The following OSBPL11 variants were observed in gnomAD, a reference collection of about 807,000 sequenced individuals.
OSBPL11 encodes the protein oxysterol-binding protein-related protein 11.
Under a neutral mutation model 84.4 loss-of-function variants are expected in OSBPL11, and 33 were observed. The observed-to-expected ratio is 0.39, with a 90% CI of 0.30 to 0.52. The LOEUF (loss-of-function observed/expected upper bound fraction) is 0.52, where lower values mean the gene tolerates loss of function less well. OSBPL11 is among the 20% of genes least tolerant of loss of function. The pLI is 0.72. For synonymous variants in OSBPL11, 276 were observed against 310.2 expected (o/e 0.89, Z 1.16); for missense variants, 736 against 901.1 (o/e 0.82, Z 2.35).
At chr3:125,588,654 C>T in intron 1 of OSBPL11, among the ~76,000 whole-genome samples, 1 of 152,204 alleles carries the variant, frequency 6.6e-6, no homozygotes, top group East Asian at 1.9e-4. Flanking sequence ...CACTTTGGTC[C>T]ATTCTCTGGA....
intron 1 of OSBPL11, among the ~76,000 whole-genome samples, chr3:125,590,832 T>C (rs1293419924): frequency 6.6e-6 from 1 of 152,180 alleles, no homozygotes; most frequent in Non-Finnish European, 1.5e-5. Flanking sequence ...ATTCATTCCT[T>C]TTAGAGAGTT....
intron 12 of OSBPL11, among the ~76,000 whole-genome samples, chr3:125,531,411 C>A (rs1935553865): frequency 1.3e-5 from 2 of 151,874 alleles, no homozygotes. Flanking sequence ...CCTGTCTCAG[C>A]CTCCCGAGTA....
At chr3:125,570,207 T>C (rs913475135) in intron 5 of OSBPL11, among the ~76,000 whole-genome samples, 3 of 151,710 alleles carry the variant, frequency 2.0e-5, no homozygotes, top group African/African-American at 7.3e-5. Context: ...GTAATGTTCT[T>C]AGCTAGAAAA....
In OSBPL11 at chr3:125,584,855, A is replaced by G. The variant is rs909327338; in HGVS notation, c.165-1877T>C. On this transcript the variant is annotated intron_variant, in intron 1 of 12. Transcript: ENST00000296220. ...CCATTTTGGTCATATCTAATTATCT[A>G]TATCACTCATTTAACAGCTCAAGTG... Among the ~76,000 whole-genome samples the G allele has an allele frequency of 3.9e-5, 6 of 152,192 alleles. No homozygotes were observed. The East Asian group carries it at 9.6e-4, about 24-fold the overall frequency.
intron 8 of OSBPL11, among the ~76,000 whole-genome samples, chr3:125,559,931 T>TAA (rs56316048): frequency 7.0e-6 from 1 of 142,390 alleles, no homozygotes; most frequent in African/African-American, 2.6e-5. Flanking sequence ...ATCAGGAGAC[T>TAA]AAAAAAAAAA....
At chr3:125,588,368 T>C (rs961766702) in intron 1 of OSBPL11, among the ~76,000 whole-genome samples, 45 of 151,254 alleles carry the variant, frequency 3.0e-4, no homozygotes, top group Admixed American at 8.6e-4. Context: ...ACATCAGAGG[T>C]TGACGATAAT....
chr3:125,579,789 T>C, intron 3 of OSBPL11, 76 bp downstream of exon 3: 2 of 1,327,190 alleles, frequency 1.5e-6, no homozygotes, highest in Non-Finnish European at 2.2e-6. Context: ...CCAAAGCCCA[T>C]ATGAAAGCAT....
intron 10 of OSBPL11, among the ~76,000 whole-genome samples, chr3:125,544,561 A>C (rs1935783079): frequency 6.6e-6 from 1 of 152,178 alleles, no homozygotes; most frequent in African/African-American, 2.4e-5. Context: ...AATCCAAGTC[A>C]AATTCTGGAT....
At chr3:125,588,221 C>CAAAA (rs35794012) in intron 1 of OSBPL11, among the ~76,000 whole-genome samples, 4 of 51,656 alleles carry the variant, frequency 7.7e-5, no homozygotes, top group African/African-American at 2.1e-4. Flanking sequence ...GACCCTGTCT[C>CAAAA]AAAAAAAAAA....
chr3:125,569,799 C>T (rs1366194168), intron 5 of OSBPL11, among the ~76,000 whole-genome samples: 1 of 152,144 alleles, frequency 6.6e-6, no homozygotes, highest in African/African-American at 2.4e-5. Flanking sequence ...ATACAGTGAA[C>T]TGAAAAGCAG....
chr3:125,572,806 T>C (rs1163445583), intron 5 of OSBPL11, among the ~76,000 whole-genome samples: 1 of 145,118 alleles, frequency 6.9e-6, no homozygotes, highest in African/African-American at 2.5e-5. Context: ...GGACTAATTA[T>C]ATATATATAT....
Position 125,552,623 on chromosome 3 carries a change from G to A in OSBPL11, c.1212C>T (p.Asp404=). The A allele has an allele frequency of 2.5e-6, 4 of 1,613,894 alleles. No individual in the cohort carries two copies. The highest frequency in any genetic ancestry group is 3.4e-6 in the Non-Finnish European group (4 of 1,179,840). ...TAAATAGGTCTGGATGAGACATAAA[G>A]TCTGCATACATTTCCAGCAAGGAAC... ...EKRSLLEMYA[D]FMSHPDLFIA... is the part of the protein sequence containing the mutation. The change falls in exon 9 of 13, where the codon GAC becomes GAT. Residue 404 remains aspartate, a synonymous_variant. Transcript: ENST00000296220.
intron 1 of OSBPL11, among the ~76,000 whole-genome samples, chr3:125,583,702 G>A (rs1936462657): frequency 6.6e-6 from 1 of 151,720 alleles, no homozygotes; most frequent in African/African-American, 2.4e-5. Context: ...ACCAGACTGG[G>A]CAACATAATG....
chr3:125,579,446 T>G (rs1469778727), intron 3 of OSBPL11, among the ~76,000 whole-genome samples: 1 of 152,144 alleles, frequency 6.6e-6, no homozygotes, highest in Non-Finnish European at 1.5e-5. Flanking sequence ...CAAATTAAAT[T>G]TATCTTAACA....
Position 125,576,278 on chromosome 3 carries a change from T to C in OSBPL11, c.577A>G (p.Ile193Val), listed in dbSNP as rs1483004259. 5.6e-6 allele frequency: 9 copies of C among 1,610,896 alleles called. No individual in the cohort carries two copies. The highest frequency in any genetic ancestry group is 1.3e-5 in the African/African-American group (1 of 74,650). ...GAATGTCCAACATTAAAAAAAGAAA[T>C]GGCATTTTGACTTGGTCTCCTCTGC... ...ISQRRPSQNAISFFNVGHSKL... is the reference protein window; with the variant it reads ...ISQRRPSQNAVSFFNVGHSKL... The change falls in exon 5 of 13, where the codon ATT becomes GTT. Residue 193 changes from isoleucine to valine, a missense_variant. Physicochemically the swap from Ile to Val is conservative, Grantham distance 29. Coordinates refer to ENST00000296220, the MANE Select transcript of OSBPL11 (RefSeq NM_022776.5).
At chr3:125,563,896 T>G in intron 6 of OSBPL11, 53 bp from the exon 7 acceptor site, 1 of 1,597,598 alleles carries the variant, frequency 6.3e-7, no homozygotes, top group Non-Finnish European at 8.5e-7. Context: ...TCTAGAAAGT[T>G]CGGCAGATGT....
At chr3:125,555,214 C>T (rs1395910126) in intron 8 of OSBPL11, among the ~76,000 whole-genome samples, 2 of 152,140 alleles carry the variant, frequency 1.3e-5, no homozygotes, top group Non-Finnish European at 2.9e-5. Flanking sequence ...CCAAGTTCTT[C>T]GCTTTTGGAC....
At chr3:125,583,902 A>G (rs1936465946) in intron 1 of OSBPL11, among the ~76,000 whole-genome samples, 1 of 152,140 alleles carries the variant, frequency 6.6e-6, no homozygotes, top group Admixed American at 6.6e-5. Context: ...TGCTTAGAAA[A>G]GCAGAGAGCT....
chr3:125,530,388 A>C lies in OSBPL11; in HGVS notation c.*127T>G. ...AGTATTATGGTGCCCTAGTAGGTAC[A>C]TTCAGGTTTAGCTAGTTTCAGTCTG... On this transcript the variant is annotated 3_prime_UTR_variant, in exon 13 of 13. Coordinates refer to ENST00000296220, the MANE Select transcript of OSBPL11 (RefSeq NM_022776.5). The C allele has an allele frequency of 4.7e-6, 4 of 842,782 alleles. No homozygotes were observed. The highest frequency in any genetic ancestry group is 7.9e-6 in the Non-Finnish European group (4 of 503,678). 52.2% of individuals were successfully genotyped at this position (842,782 alleles called of 1,614,324 possible).
Sources: gnomAD v4.1 joint callset for allele counts (sites outside exome capture counted in the v4.1 genomes callset) on GRCh38, gnomAD v4.1.1 for gene constraint, MANE v1.5 for transcripts, NCBI Gene and HGNC (gene_info 2026-07-23, HGNC 2026-07-21) for gene names.